GSE1: variants seen among roughly 807,000 people sequenced by gnomAD.
GSE1 encodes the protein Gse1 coiled-coil protein.
A neutral mutation model predicts 112.6 loss-of-function variants in GSE1; 32 were observed. That is an observed-to-expected ratio of 0.28 (90% CI 0.21 to 0.38). The LOEUF is 0.38. GSE1 is among the 10% of genes least tolerant of loss of function. GSE1 has a pLI of 1.00. For missense variants in GSE1, 2,348 were observed against 1,699.2 expected, an observed-to-expected ratio of 1.38 and a Z score of -6.71; for synonymous variants, 1,115 against 735.6, an observed-to-expected ratio of 1.52 and a Z score of -8.35.
At chr16:85,626,575 G>A (rs2049085680) in intron 1 of GSE1, among the ~76,000 whole-genome samples, 2 of 152,248 alleles carry the variant, frequency 1.3e-5, no homozygotes, top group African/African-American at 4.8e-5. Context: ...GTGAAGGCCT[G>A]CTGGGCCCAG....
At chr16:85,513,154 C>G (rs993634636) in intron 2 of GSE1, among the ~76,000 whole-genome samples, 2 of 152,118 alleles carry the variant, frequency 1.3e-5, no homozygotes, top group African/African-American at 2.4e-5. Context: ...ACCCCCCAGC[C>G]ACACCTGACT....
chr16:85,672,652 G>A lies in GSE1; in HGVS notation c.*113G>A, dbSNP rs2053443968. Reference sequence around the variant, plus strand: ...TTTGAAGCTTACAAAATGAGAATGTGCCATGCATGAAGCAAAGGATTCCAG... The same window carrying A: ...TTTGAAGCTTACAAAATGAGAATGTACCATGCATGAAGCAAAGGATTCCAG... On this transcript the variant is annotated 3_prime_UTR_variant, in exon 16 of 16. Coordinates refer to ENST00000253458, the MANE Select transcript of GSE1 (RefSeq NM_014615.5). 2 of 711,472 alleles carry A rather than the reference G, an allele frequency of 2.8e-6. No individual in the cohort carries two copies. The highest frequency in any genetic ancestry group is 4.2e-6 in the Non-Finnish European group (2 of 473,348). 44.1% of individuals were successfully genotyped at this position (711,472 alleles called of 1,614,324 possible).
intron 1 of GSE1, among the ~76,000 whole-genome samples, chr16:85,589,293 C>T (rs778226149): frequency 2.0e-5 from 3 of 151,994 alleles, no homozygotes; most frequent in Non-Finnish European, 2.9e-5. Context: ...GCTTCTAGGT[C>T]GGGCAGGGCC....
At chr16:85,262,368 A>G (rs1411578170) in intron 1 of GSE1, among the ~76,000 whole-genome samples, 3 of 151,964 alleles carry the variant, frequency 2.0e-5, no homozygotes, top group African/African-American at 7.3e-5. Flanking sequence ...ATTGTCGGGG[A>G]GGGGGCCAGC....
chr16:85,611,614 C>G (rs576443915), upstream of GSE1: 1 of 449,848 alleles, frequency 2.2e-6, no homozygotes, highest in Non-Finnish European at 2.9e-6. Flanking sequence ...TTGTGCAAGG[C>G]GGGGGGCCGG....
intron 2 of GSE1, among the ~76,000 whole-genome samples, chr16:85,648,159 C>A (rs1381206666): frequency 6.6e-6 from 1 of 152,162 alleles, no homozygotes; most frequent in East Asian, 1.9e-4. Flanking sequence ...TTCTCTAACT[C>A]TGGGGCTCCA....
Position 85,186,557 on chromosome 16 carries a change from C to G in GSE1, c.2283+14750C>G, listed in dbSNP as rs536188884. Reference sequence around the variant, plus strand: ...GGAGTAGGTTGCAGTGAGCCGAGATCGTGCCACTGTACTCCAGCCTGGGCG... The same window carrying G: ...GGAGTAGGTTGCAGTGAGCCGAGATGGTGCCACTGTACTCCAGCCTGGGCG... On this transcript the variant is annotated intron_variant, in intron 1 of 2. Coordinates refer to the GSE1 transcript ENST00000637419. Among the ~76,000 whole-genome samples the G allele has an allele frequency of 4.0e-5, 6 of 150,882 alleles. No individual in the cohort carries two copies. In the South Asian group the frequency reaches 1.3e-3, roughly 32 times the overall value.
In GSE1 at chr16:85,672,915, G is replaced by A. The variant is rs927413166; in HGVS notation, c.*376G>A. Reference sequence around the variant, plus strand: ...GATCAAACCGGTTCTGTTCTTTCTTGTGTTGCCATGTTACTATGCCTCAAG... The same window carrying A: ...GATCAAACCGGTTCTGTTCTTTCTTATGTTGCCATGTTACTATGCCTCAAG... On this transcript the variant is annotated 3_prime_UTR_variant, in exon 16 of 16. Coordinates refer to ENST00000253458, the MANE Select transcript of GSE1 (RefSeq NM_014615.5). The A allele has an allele frequency of 6.4e-6, 1 of 156,664 alleles. No homozygotes were observed. Among genetic ancestry groups the A allele is most frequent in the Non-Finnish European group, 1.4e-5 (1 of 71,048 alleles). 9.7% of individuals were successfully genotyped at this position (156,664 alleles called of 1,614,324 possible).
intron 1 of GSE1, among the ~76,000 whole-genome samples, chr16:85,277,422 G>A (rs974313129): frequency 5.3e-5 from 8 of 152,200 alleles, no homozygotes; most frequent in Non-Finnish European, 8.8e-5. Flanking sequence ...CTGAGCTGCC[G>A]GTCTGGTGGG....
intron 2 of GSE1, among the ~76,000 whole-genome samples, chr16:85,412,967 G>T (rs546650860): frequency 6.6e-6 from 1 of 152,184 alleles, no homozygotes. Context: ...ATCGGCCCGG[G>T]TGCCTGTTCG....
In GSE1 at chr16:85,656,427, G is replaced by C. The variant is rs755194971; in HGVS notation, c.1074G>C (p.Glu358Asp). ...AGCGTGAGGCTGACCGCGAGCGGGA[G>C]AAGGAACGTGAGCGCGAACGCGAGA... ...EREREADRER[E>D]KEREREREKE... is the part of the protein sequence containing the mutation. Residue 358 changes from glutamate to aspartate, a missense_variant, in exon 7 of 16, where the codon GAG becomes GAC. Transcript: ENST00000253458. The C allele has an allele frequency of 1.5e-5, 24 of 1,573,648 alleles. No homozygotes were observed. The highest frequency in any genetic ancestry group is 2.8e-5 in the African/African-American group (2 of 72,632).
At chr16:85,611,312 C>T (rs1417034179), upstream of GSE1, 2 of 146,854 alleles carry the variant, frequency 1.4e-5, no homozygotes, top group South Asian at 2.2e-4. Context: ...AGGCGCCCCT[C>T]CCCCTCCCCC....
chr16:85,365,602 A>C (rs1204393194), intron 2 of GSE1, among the ~76,000 whole-genome samples: 1 of 152,218 alleles, frequency 6.6e-6, no homozygotes, highest in East Asian at 1.9e-4. Flanking sequence ...ATGGAACCAC[A>C]GGGCCGTAAG....
exon 1 of GSE1, chr16:85,170,687 A>T: frequency 1.0e-6 from 1 of 985,742 alleles, no homozygotes; most frequent in Non-Finnish European, 1.2e-6. Context: ...CACGTGCAGA[A>T]GCAGGAGAAG....
At chr16:85,187,562 C>T (rs2074731611) in intron 1 of GSE1, among the ~76,000 whole-genome samples, 1 of 152,264 alleles carries the variant, frequency 6.6e-6, no homozygotes, top group Admixed American at 6.5e-5. Context: ...CTATCCCTTT[C>T]CTGTGACAGA....
In GSE1 at chr16:85,663,352, G is replaced by A. The variant is rs1233644878; in HGVS notation, c.2382G>A (p.Glu794=). ...LKLDTSSEKL[E]FLQLFGLTTQ... The stretch of plus-strand genomic sequence containing the variant: ...TTTCTTTCCCAATCTAGAAGCTAGA[G>A]TTTTTGCAACTTTTTGGCTTGACCA... The change falls in exon 11 of 16, where the codon GAG becomes GAA. Residue 794 remains glutamate (E), a synonymous_variant. Transcript: ENST00000253458. The A allele has an allele frequency of 6.2e-7, 1 of 1,613,890 alleles. No individual in the cohort carries two copies. Among genetic ancestry groups the A allele is most frequent in the East Asian group, 2.2e-5 (1 of 44,882 alleles).
chr16:85,568,818 CT>C (rs2045864356), intron 1 of GSE1, among the ~76,000 whole-genome samples: 1 of 152,202 alleles, frequency 6.6e-6, no homozygotes, highest in South Asian at 2.1e-4. Context: ...TCTTGACCCC[CT>C]GGATCACCCT....
chr16:85,256,498 AGGT>A (rs1907092355), intron 1 of GSE1, among the ~76,000 whole-genome samples: 1 of 152,188 alleles, frequency 6.6e-6, no homozygotes, highest in Non-Finnish European at 1.5e-5. Flanking sequence ...GATGTGGCTG[AGGT>A]GCTCACTCGG....
intron 2 of GSE1, among the ~76,000 whole-genome samples, chr16:85,488,565 CA>C (rs1214970980): frequency 6.6e-6 from 1 of 151,684 alleles, no homozygotes; most frequent in Non-Finnish European, 1.5e-5. Context: ...CACAGCCAGA[CA>C]GGGAAGGGCA....
Sources: allele counts gnomAD v4.1 joint callset (sites outside exome capture counted in the v4.1 genomes callset), GRCh38; gene constraint gnomAD v4.1.1; transcripts MANE v1.5; gene names NCBI Gene and HGNC (gene_info 2026-07-23, HGNC 2026-07-21).